The following MALRD1 variants were observed in gnomAD, a reference collection of about 807,000 sequenced individuals.
MALRD1 encodes the protein MAM and LDL receptor class A domain containing 1, also known as MAM and LDL-receptor class A domain-containing protein 1.
Under a neutral mutation model 242.1 loss-of-function variants are expected in MALRD1, and 247 were observed. The observed-to-expected ratio is 1.02, with a 90% CI of 0.92 to 1.13. The LOEUF (loss-of-function observed/expected upper bound fraction) is 1.13. MALRD1 is among the 50% of genes most tolerant of loss of function. The pLI, the probability that MALRD1 is intolerant of heterozygous loss-of-function variation, is 0.00. For synonymous variants in MALRD1, 995 were observed against 866.6 expected (o/e 1.15, Z -2.60); for missense variants, 2,989 against 2,533.1 (o/e 1.18, Z -3.86).
intron 11 of MALRD1, among the ~76,000 whole-genome samples, chr10:19,153,005 T>C (rs886574251): frequency 6.6e-6 from 1 of 152,292 alleles, no homozygotes; most frequent in African/African-American, 2.4e-5. Context: ...CTTTATTTAA[T>C]TATTTCCTTT....
chr10:19,717,843 C>T (rs1268221834), intron 38 of MALRD1, among the ~76,000 whole-genome samples: 3 of 151,896 alleles, frequency 2.0e-5, no homozygotes, highest in African/African-American at 7.3e-5. Context: ...ATGGCAAAAC[C>T]CTGTTTCTAC....
intron 33 of MALRD1, among the ~76,000 whole-genome samples, chr10:19,591,360 A>C (rs1398271972): frequency 6.6e-6 from 1 of 152,242 alleles, no homozygotes; most frequent in East Asian, 1.9e-4. Context: ...GGTTGATTCC[A>C]ACACACTTGA....
intron 18 of MALRD1, among the ~76,000 whole-genome samples, chr10:19,214,382 T>G (rs1837210478): frequency 6.6e-6 from 1 of 152,314 alleles, no homozygotes; most frequent in East Asian, 1.9e-4. Flanking sequence ...TTGGCCATTT[T>G]TTTGGTTGTT....
chr10:19,271,589 C>T (rs911975393), intron 19 of MALRD1, among the ~76,000 whole-genome samples: 2 of 152,038 alleles, frequency 1.3e-5, no homozygotes, highest in Non-Finnish European at 2.9e-5. Flanking sequence ...CGGTGAAACC[C>T]CGTCTCTACC....
At chr10:19,358,691 T>G (rs1844755424) in intron 26 of MALRD1, among the ~76,000 whole-genome samples, 1 of 152,180 alleles carries the variant, frequency 6.6e-6, no homozygotes, top group South Asian at 2.1e-4. Flanking sequence ...ATAAATCAGA[T>G]AGTAACATAT....
intron 38 of MALRD1, among the ~76,000 whole-genome samples, chr10:19,697,199 G>A (rs1833419510): frequency 6.6e-6 from 1 of 152,094 alleles, no homozygotes; most frequent in Non-Finnish European, 1.5e-5. Context: ...GCAATTGTGG[G>A]GACTGGCAAG....
chr10:19,399,884 T>C (rs2130849550), intron 28 of MALRD1, among the ~76,000 whole-genome samples: 1 of 152,334 alleles, frequency 6.6e-6, no homozygotes, highest in East Asian at 1.9e-4. Flanking sequence ...ATTCTGCTAC[T>C]GTTCTCCCAC....
At chr10:19,496,100 A>G (rs1303476356) in intron 30 of MALRD1, among the ~76,000 whole-genome samples, 1 of 152,200 alleles carries the variant, frequency 6.6e-6, no homozygotes, top group Middle Eastern at 3.2e-3. Flanking sequence ...GAAGAGACTT[A>G]GACTCCCAAA....
intron 30 of MALRD1, among the ~76,000 whole-genome samples, chr10:19,496,424 C>A (rs1362026259): frequency 6.6e-6 from 1 of 152,172 alleles, no homozygotes. Context: ...AACACATTTA[C>A]ACAGAAATTA....
At chr10:19,487,665 A>T (rs1376970661) in intron 29 of MALRD1, among the ~76,000 whole-genome samples, 1 of 152,152 alleles carries the variant, frequency 6.6e-6, no homozygotes, top group Non-Finnish European at 1.5e-5. Context: ...TGCATATGGA[A>T]AAAATGTCCA....
At chr10:19,588,698 A>G (rs1214019531) in intron 33 of MALRD1, among the ~76,000 whole-genome samples, 1 of 152,210 alleles carries the variant, frequency 6.6e-6, no homozygotes, top group Admixed American at 6.5e-5. Context: ...GCTGGAATGC[A>G]ATGGCGCAAC....
chr10:19,340,614 G>A (rs1270456161), intron 24 of MALRD1, among the ~76,000 whole-genome samples: 4 of 152,036 alleles, frequency 2.6e-5, no homozygotes, highest in Non-Finnish European at 5.9e-5. Context: ...ATAGAAAAGT[G>A]TACTCTGCAT....
chr10:19,299,184 T>C (rs771588436), intron 21 of MALRD1, among the ~76,000 whole-genome samples: 30 of 152,086 alleles, frequency 2.0e-4, no homozygotes, highest in African/African-American at 6.3e-4. Context: ...GATGGACTTA[T>C]AATATGTAAA....
At chr10:19,250,660 T>C (rs753879714) in intron 18 of MALRD1, among the ~76,000 whole-genome samples, 10 of 151,952 alleles carry the variant, frequency 6.6e-5, no homozygotes, top group Non-Finnish European at 1.0e-4. Flanking sequence ...AAAATGGAAC[T>C]GAAATGAACT....
At chr10:19,057,042 C>T (rs1564364877) in intron 1 of MALRD1, among the ~76,000 whole-genome samples, 1 of 152,224 alleles carries the variant, frequency 6.6e-6, no homozygotes, top group East Asian at 1.9e-4. Flanking sequence ...ATGCCAAATG[C>T]TTCTTTCAAT....
chr10:19,629,946 A>T (rs1471047378), intron 36 of MALRD1, among the ~76,000 whole-genome samples: 1 of 152,164 alleles, frequency 6.6e-6, no homozygotes, highest in Non-Finnish European at 1.5e-5. Context: ...AATCTAGCAA[A>T]TGAGGTAGAA....
intron 32 of MALRD1, among the ~76,000 whole-genome samples, chr10:19,534,309 A>G (rs1004118271): frequency 2.0e-5 from 3 of 152,226 alleles, no homozygotes; most frequent in African/African-American, 7.2e-5. Context: ...TTCACAGATG[A>G]AAACCTTCCT....
Position 19,126,391 on chromosome 10 carries a change from A to T in MALRD1, c.943+1721A>T, listed in dbSNP as rs147983296. Among the ~76,000 whole-genome samples, 931 of 151,732 alleles carry T rather than the reference A, an allele frequency of 6.1e-3. 5 individuals carry two copies. The highest frequency in any genetic ancestry group is 0.011 in the Non-Finnish European group (715 of 67,892). On this transcript the variant is annotated intron_variant, in intron 7 of 39. Transcript: ENST00000454679. ...CTCCATAACCTGACTCCTCCTTTTT[A>T]TTTTCTATATAATTTACTCTATTTT...
intron 29 of MALRD1, among the ~76,000 whole-genome samples, chr10:19,484,606 A>G (rs1837160289): frequency 6.6e-6 from 1 of 152,248 alleles, no homozygotes; most frequent in Non-Finnish European, 1.5e-5. Context: ...AGAAAAATTA[A>G]TGAAACCATA....
Sources: allele counts gnomAD v4.1 joint callset (sites outside exome capture counted in the v4.1 genomes callset), GRCh38; gene constraint gnomAD v4.1.1; transcripts MANE v1.5; gene names NCBI Gene and HGNC (gene_info 2026-07-23, HGNC 2026-07-21).